Variants in RAPGEF4 observed in about 807,000 individuals in gnomAD.
RAPGEF4 encodes the protein RAP guanine-nucleotide-exchange factor (GEF) 4.
Under a neutral mutation model 147.9 loss-of-function variants are expected in RAPGEF4, and 66 were observed. The ratio of observed to expected loss-of-function variants is 0.45; its 90% CI spans 0.37 to 0.55. RAPGEF4 has a LOEUF of 0.55. Among genes scored for constraint, RAPGEF4 ranks in the 20% least tolerant of loss-of-function variants. The probability of loss-of-function intolerance (pLI) is 0.00; values close to 1 mark genes in which losing one functional copy is unlikely to be tolerated. For missense variants in RAPGEF4, 1,071 were observed against 1,257.3 expected (o/e 0.85, Z 2.24); for synonymous variants, 419 against 442.7 (o/e 0.95, Z 0.67).
At chr2:172,989,227 C>T (rs975722961) in intron 14 of RAPGEF4, among the ~76,000 whole-genome samples, 1 of 152,204 alleles carries the variant, frequency 6.6e-6, no homozygotes, top group Admixed American at 6.5e-5. Context: ...CCCTCTGCCC[C>T]TTGTCTTTCT....
intron 10 of RAPGEF4, among the ~76,000 whole-genome samples, chr2:172,972,410 A>C (rs1211856193): frequency 6.6e-6 from 1 of 152,208 alleles, no homozygotes; most frequent in Non-Finnish European, 1.5e-5. Flanking sequence ...TGTCAAGAGA[A>C]TGTCCACAGT....
intron 1 of RAPGEF4, among the ~76,000 whole-genome samples, chr2:172,755,886 A>G (rs1481206517): frequency 1.3e-5 from 2 of 152,178 alleles, no homozygotes; most frequent in Non-Finnish European, 2.9e-5. Context: ...TTCTATGTGC[A>G]TTCAAGTGCA....
At chr2:172,891,555 A>T (rs1294268763) in intron 4 of RAPGEF4, among the ~76,000 whole-genome samples, 1 of 152,184 alleles carries the variant, frequency 6.6e-6, no homozygotes, top group East Asian at 1.9e-4. Context: ...AGTGTGACTG[A>T]TTCTAAGAAA....
At chr2:172,853,432 A>G (rs1693079941) in intron 4 of RAPGEF4, among the ~76,000 whole-genome samples, 1 of 152,012 alleles carries the variant, frequency 6.6e-6, no homozygotes, top group Non-Finnish European at 1.5e-5. Context: ...GTTGTTTATT[A>G]TAGTTATCAT....
Position 173,001,993 on chromosome 2 carries a change from C to CAAAAAAAAAAAAAAAAAAAAAA in RAPGEF4, c.1658+650_1658+671dup, listed in dbSNP as rs11397728. 2.1e-4 allele frequency among the ~76,000 whole-genome samples: 17 copies of CAAAAAAAAAAAAAAAAAAAAAA among 79,318 alleles called. 3 individuals carry two copies. Among genetic ancestry groups the CAAAAAAAAAAAAAAAAAAAAAA allele is most frequent in the East Asian group, 6.7e-4 (1 of 1,490 alleles). The allele number at this position is 79,318 out of a possible 152,430, so 52.0% of individuals were successfully genotyped here. ...GCTTACCACAGGAAGGTGATGCTGG[C>CAAAAAAAAAAAAAAAAAAAAAA]AAAAAAAAAAAAAAAAAAAAAATCC... On this transcript the variant is annotated intron_variant, in intron 17 of 30. Transcript: ENST00000397081.
intron 2 of RAPGEF4, 104 bp from the exon 3 acceptor site, chr2:172,797,421 C>T: frequency 1.2e-6 from 1 of 829,396 alleles, no homozygotes; most frequent in Non-Finnish European, 1.9e-6. Context: ...GGGTGGTAAG[C>T]TCAGTTAGGT....
At position 173,042,348 on chromosome 2, in the gene RAPGEF4, A is replaced by C. The variant is rs935895598; in HGVS notation, c.2853+5656A>C. On this transcript the variant is annotated intron_variant, in intron 29 of 30. Transcript: ENST00000397081. The surrounding 1 kb of genome is among the most constrained non-coding windows in gnomAD (Gnocchi z 4.2). ...TTCTATTTTATTAGAAAATTGGATG[A>C]ATCAACTGGGCACAGTGGCTCACGC... is the stretch of plus-strand genomic sequence containing the variant. 1.3e-5 allele frequency among the ~76,000 whole-genome samples: 2 copies of C among 152,240 alleles called. No homozygotes were observed. The highest frequency in any genetic ancestry group is 2.9e-5 in the Non-Finnish European group (2 of 68,040).
At chr2:172,991,451 G>A (rs2105740104) in intron 15 of RAPGEF4, among the ~76,000 whole-genome samples, 2 of 152,272 alleles carry the variant, frequency 1.3e-5, no homozygotes, top group South Asian at 4.1e-4. Flanking sequence ...AATGTCAAAA[G>A]GCCATTAGCT....
In RAPGEF4 at chr2:172,780,250, G is replaced by A. The variant is rs376164928; in HGVS notation, c.66-14775G>A. On this transcript the variant is annotated intron_variant, in intron 1 of 30. Coordinates refer to ENST00000397081, the MANE Select transcript of RAPGEF4 (RefSeq NM_007023.4). ...GGACTGAGTAATTCTTCAACAGGTGGCTTAGAACTCCAGGCTCACTATAGC... is the reference window on the plus strand; with the variant it reads ...GGACTGAGTAATTCTTCAACAGGTGACTTAGAACTCCAGGCTCACTATAGC... 3.5e-4 allele frequency among the ~76,000 whole-genome samples: 54 copies of A among 152,284 alleles called. 1 individual carries two copies. Among genetic ancestry groups the A allele is most frequent in the Non-Finnish European group, 6.2e-4 (42 of 68,024 alleles).
At chr2:172,886,305 T>C (rs1010412001) in intron 4 of RAPGEF4, among the ~76,000 whole-genome samples, 2 of 152,208 alleles carry the variant, frequency 1.3e-5, no homozygotes, top group African/African-American at 4.8e-5. Flanking sequence ...GCTTTCATGA[T>C]ATAACCACAG....
intron 29 of RAPGEF4, among the ~76,000 whole-genome samples, chr2:173,043,716 C>G (rs185299400): frequency 6.6e-6 from 1 of 152,210 alleles, no homozygotes; most frequent in African/African-American, 2.4e-5. Context: ...AGAAGGGTGA[C>G]GCCTGCCAAG....
chr2:172,974,277 C>T (rs1690822251), intron 10 of RAPGEF4, among the ~76,000 whole-genome samples: 2 of 152,196 alleles, frequency 1.3e-5, no homozygotes, highest in Non-Finnish European at 2.9e-5. Flanking sequence ...AGCCTGTGCT[C>T]TTTACTGTGC....
chr2:172,907,167 C>T (rs184436291), intron 4 of RAPGEF4, among the ~76,000 whole-genome samples: 3 of 152,348 alleles, frequency 2.0e-5, no homozygotes, highest in African/African-American at 7.2e-5. Context: ...CAGGTTTCAA[C>T]CTTTCTAAGA....
chr2:172,970,786 C>G (rs1253176210), intron 10 of RAPGEF4, among the ~76,000 whole-genome samples: 1 of 152,158 alleles, frequency 6.6e-6, no homozygotes, highest in Non-Finnish European at 1.5e-5. Flanking sequence ...TTTTGGCACA[C>G]TCTTGTTGCT....
chr2:172,936,825 C>G (rs991472902), intron 6 of RAPGEF4, among the ~76,000 whole-genome samples: 2 of 151,758 alleles, frequency 1.3e-5, no homozygotes, highest in African/African-American at 2.4e-5. Context: ...TTTTTCTCAT[C>G]TGAGAGAATC....
chr2:172,987,613 T>C (rs1692404294), intron 12 of RAPGEF4, among the ~76,000 whole-genome samples: 1 of 152,222 alleles, frequency 6.6e-6, no homozygotes, highest in African/African-American at 2.4e-5. Context: ...ACTATTTACA[T>C]AGGATTTACA....
At chr2:172,995,281 G>A (rs1446608064) in intron 15 of RAPGEF4, among the ~76,000 whole-genome samples, 2 of 149,414 alleles carry the variant, frequency 1.3e-5, no homozygotes, top group Admixed American at 7.1e-5. Context: ...GTGTGTGTGT[G>A]TGTGTGTGTT....
chr2:172,803,383 G>A (rs544052810), intron 3 of RAPGEF4, among the ~76,000 whole-genome samples: 17 of 152,304 alleles, frequency 1.1e-4, no homozygotes, highest in African/African-American at 4.1e-4. Context: ...CAAGGCTTGG[G>A]GCTTGCACCC....
chr2:172,870,311 C>T (rs565972059), intron 4 of RAPGEF4, among the ~76,000 whole-genome samples: 1 of 152,238 alleles, frequency 6.6e-6, no homozygotes, highest in Admixed American at 6.5e-5. Flanking sequence ...TAATTCTATT[C>T]TGTTCTATTC....
Sources: gnomAD v4.1 joint callset for allele counts (sites outside exome capture counted in the v4.1 genomes callset) on GRCh38, gnomAD v4.1.1 for gene constraint, Gnocchi (gnomAD v3.1) non-coding constraint, MANE v1.5 for transcripts, NCBI Gene and HGNC (gene_info 2026-07-23, HGNC 2026-07-21) for gene names.